The following MAPK8 variants were observed in gnomAD, a reference collection of about 807,000 sequenced individuals.
MAPK8 encodes mitogen-activated protein kinase 8.
A neutral mutation model predicts 52.9 loss-of-function variants in MAPK8; 13 were observed. The ratio of observed to expected loss-of-function variants is 0.25; its 90% CI spans 0.16 to 0.39. The LOEUF is 0.39. MAPK8 is among the 10% of genes least tolerant of loss of function. MAPK8 has a pLI of 1.00. For missense variants in MAPK8, 300 were observed against 519.2 expected, an observed-to-expected ratio of 0.58 and a Z score of 4.10; for synonymous variants, 191 against 169.8, an observed-to-expected ratio of 1.12 and a Z score of -0.97.
At chr10:48,399,782 A>T (rs1201222409) in intron 1 of MAPK8, among the ~76,000 whole-genome samples, 2 of 152,182 alleles carry the variant, frequency 1.3e-5, no homozygotes, top group African/African-American at 4.8e-5. Flanking sequence ...TTTGAGAGAG[A>T]CATATGACTC....
intron 1 of MAPK8, among the ~76,000 whole-genome samples, chr10:48,311,769 C>T (rs945596028): frequency 6.6e-6 from 1 of 152,142 alleles, no homozygotes; most frequent in Admixed American, 6.5e-5. Context: ...TCTGTATTTT[C>T]TGTGGTTTTC....
At chr10:48,355,977 C>G (rs2132479976) in intron 1 of MAPK8, among the ~76,000 whole-genome samples, 1 of 152,140 alleles carries the variant, frequency 6.6e-6, no homozygotes, top group Admixed American at 6.5e-5. Flanking sequence ...GAGAATAAAT[C>G]CAGGGAAATT....
intron 5 of MAPK8, chr10:48,410,384 C>T (rs1190435327): frequency 2.6e-6 from 1 of 380,936 alleles, no homozygotes. Context: ...TACCAGTCTG[C>T]TTTCTGTGTC....
chr10:48,327,775 A>G (rs1376209795), intron 1 of MAPK8, among the ~76,000 whole-genome samples: 1 of 152,204 alleles, frequency 6.6e-6, no homozygotes, highest in Non-Finnish European at 1.5e-5. Flanking sequence ...ATACAGATCT[A>G]TTCAGATTAT....
chr10:48,358,847 C>G (rs1456170702), intron 1 of MAPK8, among the ~76,000 whole-genome samples: 1 of 152,166 alleles, frequency 6.6e-6, no homozygotes, highest in Non-Finnish European at 1.5e-5. Context: ...AGTTGTCTGG[C>G]ACCATTTGTT....
intron 1 of MAPK8, among the ~76,000 whole-genome samples, chr10:48,350,481 C>T (rs1846203475): frequency 6.6e-6 from 1 of 152,180 alleles, no homozygotes; most frequent in Admixed American, 6.5e-5. Context: ...AATCAATAAA[C>T]ATAATCCATC....
At chr10:48,316,539 G>T (rs1230544288) in intron 1 of MAPK8, among the ~76,000 whole-genome samples, 20 of 152,210 alleles carry the variant, frequency 1.3e-4, no homozygotes, top group Non-Finnish European at 1.5e-5. Flanking sequence ...TTAGTCTGGT[G>T]TCAGAGAGCA....
intron 1 of MAPK8, among the ~76,000 whole-genome samples, chr10:48,372,601 G>A (rs1374754879): frequency 6.6e-6 from 1 of 151,448 alleles, no homozygotes; most frequent in East Asian, 1.9e-4. Context: ...TAGCTGAATC[G>A]ATCAAGTGGA....
At chr10:48,430,695 G>A (rs1031653104) in intron 10 of MAPK8, 1 of 153,662 alleles carries the variant, frequency 6.5e-6, no homozygotes, top group African/African-American at 2.4e-5. Flanking sequence ...ATAAAAATGT[G>A]TTTATCTTTC....
At chr10:48,326,180 T>A (rs1843502741) in intron 1 of MAPK8, among the ~76,000 whole-genome samples, 1 of 152,240 alleles carries the variant, frequency 6.6e-6, no homozygotes, top group Non-Finnish European at 1.5e-5. Flanking sequence ...ATATTTGGAA[T>A]CCTTCTGTGC....
Position 48,426,442 on chromosome 10 carries a change from G to A in MAPK8, c.934G>A (p.Val312Ile). 1 of 1,610,992 alleles carries A rather than the reference G, an allele frequency of 6.2e-7. No homozygotes were observed. Among genetic ancestry groups the A allele is most frequent in the Non-Finnish European group, 8.5e-7 (1 of 1,178,246 alleles). Residue 312 changes from valine to isoleucine, a missense_variant, in exon 9 of 12, where the codon GTA (valine) becomes ATA (isoleucine). This residue lies in a region of MAPK8 where 119 missense variants were observed against 154.4 expected (regional missense o/e 0.77). Transcript: ENST00000374189. The stretch of plus-strand genomic sequence containing the variant: ...AATAGATGCATCTAAAAGGATCTCT[G>A]TAGATGAAGCTCTCCAACACCCGTA... ...LVIDASKRIS[V>I]DEALQHPYIN...
At chr10:48,328,238 C>T (rs908736506) in intron 1 of MAPK8, among the ~76,000 whole-genome samples, 4 of 150,870 alleles carry the variant, frequency 2.7e-5, no homozygotes, top group African/African-American at 4.9e-5. Flanking sequence ...AGGGTGGTCT[C>T]GAACTTCTTG....
chr10:48,398,184 A>G (rs553536447), intron 1 of MAPK8, among the ~76,000 whole-genome samples: 11 of 152,338 alleles, frequency 7.2e-5, no homozygotes, highest in African/African-American at 2.6e-4. Flanking sequence ...GAAAATGGAA[A>G]GGCAAGCCAC....
At chr10:48,390,079 G>A (rs1464775965) in intron 1 of MAPK8, among the ~76,000 whole-genome samples, 1 of 152,084 alleles carries the variant, frequency 6.6e-6, no homozygotes, top group Non-Finnish European at 1.5e-5. Context: ...AGGCCAGTAG[G>A]CTCAAGATCT....
At chr10:48,369,829 A>G (rs991577139) in intron 1 of MAPK8, among the ~76,000 whole-genome samples, 2 of 152,172 alleles carry the variant, frequency 1.3e-5, no homozygotes, top group African/African-American at 2.4e-5. Context: ...GATGAGCAGC[A>G]TAGGAAAAAG....
At chr10:48,342,102 T>C (rs1845344265) in intron 1 of MAPK8, among the ~76,000 whole-genome samples, 3 of 152,226 alleles carry the variant, frequency 2.0e-5, no homozygotes, top group African/African-American at 7.2e-5. Flanking sequence ...ATTCAGAATT[T>C]ATTCATTCAT....
chr10:48,350,604 A>G (rs1318905479), intron 1 of MAPK8, among the ~76,000 whole-genome samples: 1 of 152,362 alleles, frequency 6.6e-6, no homozygotes, highest in East Asian at 1.9e-4. Flanking sequence ...CTAAGTATTG[A>G]TGGAACTTAT....
At position 48,431,359 on chromosome 10, in the gene MAPK8, T is replaced by C. The variant is rs970297164; in HGVS notation, c.1138+89T>C. 6.0e-6 allele frequency: 5 copies of C among 829,392 alleles called. No individual in the cohort carries two copies. In the South Asian group the frequency reaches 6.6e-5, roughly 11 times the overall value. 51.4% of individuals were successfully genotyped at this position (829,392 alleles called of 1,614,324 possible). On this transcript the variant is annotated intron_variant, in intron 11 of 11. Coordinates refer to ENST00000374189, the MANE Select transcript of MAPK8 (RefSeq NM_001323329.2). ...CCTGAAACCTGCAGTTCTTCCCATATTTACAAAATCATTATTATTCCAGGC... is the reference window on the plus strand; with the variant it reads ...CCTGAAACCTGCAGTTCTTCCCATACTTACAAAATCATTATTATTCCAGGC...
At chr10:48,310,640 T>C (rs1001169220) in intron 1 of MAPK8, among the ~76,000 whole-genome samples, 4 of 152,130 alleles carry the variant, frequency 2.6e-5, no homozygotes, top group African/African-American at 9.7e-5. Flanking sequence ...TATGCTCTTT[T>C]AAAAGGTATA....
Sources: gnomAD v4.1 joint callset for allele counts (sites outside exome capture counted in the v4.1 genomes callset) on GRCh38, gnomAD v4.1.1 for gene constraint, gnomAD v4.1.1 regional missense constraint, MANE v1.5 for transcripts, NCBI Gene and HGNC (gene_info 2026-07-23, HGNC 2026-07-21) for gene names.